Variants in KCNH7 observed in about 807,000 individuals in gnomAD.
KCNH7 encodes the protein voltage-gated inwardly rectifying potassium channel KCNH7.
KCNH7 carries 49 observed loss-of-function variants against 120.8 expected under a neutral mutation model. The ratio of observed to expected loss-of-function variants is 0.41; its 90% CI spans 0.32 to 0.51. The LOEUF is 0.51. Ranked by LOEUF, KCNH7 falls within the 20% of genes least tolerant of loss-of-function variation. The probability of loss-of-function intolerance (pLI) is 0.38; values close to 1 mark genes in which losing one functional copy is unlikely to be tolerated. For synonymous variants in KCNH7, 547 were observed against 516.1 expected, an observed-to-expected ratio of 1.06 and a Z score of -0.81; for missense variants, 1,097 against 1,446.6, an observed-to-expected ratio of 0.76 and a Z score of 3.92.
At chr2:162,701,293 G>T (rs1435368756) in intron 2 of KCNH7, among the ~76,000 whole-genome samples, 2 of 152,008 alleles carry the variant, frequency 1.3e-5, no homozygotes, top group Non-Finnish European at 2.9e-5. Context: ...TAAAAAGTTT[G>T]CTAATCATGC....
In KCNH7 at chr2:162,670,492, A is replaced by AG. The variant is rs1553511727; in HGVS notation, c.308-133413dup. Among the ~76,000 whole-genome samples the AG allele has an allele frequency of 2.8e-4, 40 of 144,910 alleles. 1 individual carries two copies. The highest frequency in any genetic ancestry group is 1.0e-3 in the African/African-American group (36 of 36,090). ...TGTCAAAAAAAAAAAAAAAAAAAAA[A>AG]GAAAAATATTGACTGTATAAACAAT... On this transcript the variant is annotated intron_variant, in intron 2 of 15. Transcript: ENST00000332142.
At chr2:162,572,095 C>T (rs957440941) in intron 2 of KCNH7, among the ~76,000 whole-genome samples, 3 of 152,040 alleles carry the variant, frequency 2.0e-5, no homozygotes, top group Non-Finnish European at 4.4e-5. Flanking sequence ...AAACTACCAT[C>T]AGGGTGAACA....
At chr2:162,458,497 C>T (rs1689047152) in intron 6 of KCNH7, among the ~76,000 whole-genome samples, 1 of 152,130 alleles carries the variant, frequency 6.6e-6, no homozygotes, top group South Asian at 2.1e-4. Flanking sequence ...GGTCTCTAGT[C>T]TAATGCTTGT....
At chr2:162,520,403 G>A (rs527605268) in intron 3 of KCNH7, among the ~76,000 whole-genome samples, 2 of 151,680 alleles carry the variant, frequency 1.3e-5, no homozygotes, top group African/African-American at 4.8e-5. Flanking sequence ...GCAAGAAAAT[G>A]CTATCACTCT....
At chr2:162,435,089 T>C (rs764765763) in intron 8 of KCNH7, 109 bp downstream of exon 8, 9 of 1,007,026 alleles carry the variant, frequency 8.9e-6, no homozygotes, top group Non-Finnish European at 1.3e-5. Context: ...TCCCATTATC[T>C]CCTCAATTTT....
At chr2:162,738,801 T>C (rs1688010915) in intron 2 of KCNH7, among the ~76,000 whole-genome samples, 1 of 152,190 alleles carries the variant, frequency 6.6e-6, no homozygotes, top group African/African-American at 2.4e-5. Flanking sequence ...ATTTAATACA[T>C]TGTAATTGGA....
intron 2 of KCNH7, among the ~76,000 whole-genome samples, chr2:162,555,373 C>T (rs1692819473): frequency 6.6e-6 from 1 of 152,136 alleles, no homozygotes; most frequent in South Asian, 2.1e-4. Context: ...GCGAAATTTA[C>T]CAGACTTACA....
chr2:162,641,412 T>C (rs1684151486), intron 2 of KCNH7, among the ~76,000 whole-genome samples: 1 of 152,118 alleles, frequency 6.6e-6, no homozygotes, highest in South Asian at 2.1e-4. Context: ...AAAGATTACA[T>C]TGTATGTGAT....
chr2:162,435,702 T>A, intron 7 of KCNH7, 105 bp from the exon 8 acceptor site: 1 of 1,068,596 alleles, frequency 9.4e-7, no homozygotes, highest in Non-Finnish European at 1.3e-6. Context: ...AGGGTAGCAT[T>A]AAGGATAACT....
rs150011993 is a variant in KCNH7, at chr2:162,548,063, G to T, written c.308-10983C>A. Among the ~76,000 whole-genome samples the T allele has an allele frequency of 1.4e-4, 21 of 152,258 alleles. No homozygotes were observed. The East Asian group carries it at 3.7e-3, about 27-fold the overall frequency. On this transcript the variant is annotated intron_variant, in intron 2 of 15. Coordinates refer to ENST00000332142, the MANE Select transcript of KCNH7 (RefSeq NM_033272.4). ...CTCTTCTCACAAAAGTTCATATTCT[G>T]TTGGACTATTTTAACTTGGGATTTT...
Position 162,530,493 on chromosome 2 carries a change from CAATT to C in KCNH7, c.463+6428_463+6431del, listed in dbSNP as rs1288049537. Among the ~76,000 whole-genome samples the C allele has an allele frequency of 1.5e-4, 23 of 151,996 alleles. No individual in the cohort carries two copies. The East Asian group carries it at 3.9e-3, about 26-fold the overall frequency. On this transcript the variant is annotated intron_variant, in intron 3 of 15. Coordinates refer to ENST00000332142, the MANE Select transcript of KCNH7 (RefSeq NM_033272.4). The stretch of plus-strand genomic sequence containing the variant: ...GCGCGCACACACACACACACACACA[CAATT>C]ACAAACACTTTAGTGAGAGAGTAAG...
intron 2 of KCNH7, among the ~76,000 whole-genome samples, chr2:162,783,822 C>T (rs1683598496): frequency 6.6e-6 from 1 of 152,100 alleles, no homozygotes; most frequent in African/African-American, 2.4e-5. Flanking sequence ...AATACCTGAG[C>T]TTCGAACATA....
At chr2:162,784,411 A>C (rs540456370) in intron 2 of KCNH7, among the ~76,000 whole-genome samples, 5 of 152,182 alleles carry the variant, frequency 3.3e-5, no homozygotes, top group African/African-American at 1.2e-4. Flanking sequence ...TCCTTCCTTC[A>C]ACCTCTGTCA....
chr2:162,742,165 C>A (rs2105412415), intron 2 of KCNH7, among the ~76,000 whole-genome samples: 1 of 152,132 alleles, frequency 6.6e-6, no homozygotes. Context: ...ATGAAATAAC[C>A]CAGAAGTAGG....
intron 2 of KCNH7, among the ~76,000 whole-genome samples, chr2:162,649,546 T>C (rs1451257603): frequency 1.3e-5 from 2 of 152,182 alleles, no homozygotes; most frequent in African/African-American, 2.4e-5. Flanking sequence ...TTTCTTGTTC[T>C]GTGTGCTGAC....
At chr2:162,660,342 A>T (rs1684915597) in intron 2 of KCNH7, among the ~76,000 whole-genome samples, 1 of 152,154 alleles carries the variant, frequency 6.6e-6, no homozygotes, top group Non-Finnish European at 1.5e-5. Flanking sequence ...CATTTAGTTC[A>T]AAGTCTTTTT....
intron 9 of KCNH7, among the ~76,000 whole-genome samples, chr2:162,411,792 C>CT (rs1025009588): frequency 2.6e-5 from 4 of 150,996 alleles, no homozygotes; most frequent in African/African-American, 7.3e-5. Context: ...TTGAAATCAA[C>CT]TTTTTTTTCA....
chr2:162,715,834 A>G (rs982046898), intron 2 of KCNH7, among the ~76,000 whole-genome samples: 7 of 152,174 alleles, frequency 4.6e-5, no homozygotes, highest in African/African-American at 1.4e-4. Flanking sequence ...AGTGGAAAGT[A>G]TGGGAAGTAT....
At chr2:162,682,093 T>C (rs1428146212) in intron 2 of KCNH7, among the ~76,000 whole-genome samples, 1 of 151,722 alleles carries the variant, frequency 6.6e-6, no homozygotes, top group Non-Finnish European at 1.5e-5. Flanking sequence ...CTCTGTTCAA[T>C]GATGTGTCAG....
Sources: gnomAD v4.1 joint callset for allele counts (sites outside exome capture counted in the v4.1 genomes callset) on GRCh38, gnomAD v4.1.1 for gene constraint, MANE v1.5 for transcripts, NCBI Gene and HGNC (gene_info 2026-07-23, HGNC 2026-07-21) for gene names.